The following LAMA3 variants were observed in gnomAD, a reference collection of about 807,000 sequenced individuals.
The protein encoded by LAMA3 is laminin subunit alpha 3.
In LAMA3, 281 loss-of-function variants were observed where a neutral mutation model predicts 402.0. The ratio of observed to expected loss-of-function variants is 0.70; its 90% CI spans 0.63 to 0.77. The LOEUF (loss-of-function observed/expected upper bound fraction) is 0.77. LAMA3 is among the 30% of genes least tolerant of loss of function. The pLI, the probability that LAMA3 is intolerant of heterozygous loss-of-function variation, is 0.00. For synonymous variants in LAMA3, 1,431 were observed against 1,558.4 expected, an observed-to-expected ratio of 0.92 and a Z score of 1.93; for missense variants, 3,840 against 4,215.5, an observed-to-expected ratio of 0.91 and a Z score of 2.47.
intron 67 of LAMA3, among the ~76,000 whole-genome samples, chr18:23,934,661 G>A (rs2082260741): frequency 6.6e-6 from 1 of 152,198 alleles, no homozygotes; most frequent in Non-Finnish European, 1.5e-5. Context: ...GATCTGCCAG[G>A]CACTGCACTA....
intron 32 of LAMA3, among the ~76,000 whole-genome samples, chr18:23,848,886 TGG>T (rs10552903): frequency 0.62 from 94,409 of 151,982 alleles, 29,837 homozygotes; most frequent in African/African-American, 0.66. Flanking sequence ...CAGGTATTCC[TGG>T]GGGAGTCCCT....
intron 12 of LAMA3, among the ~76,000 whole-genome samples, chr18:23,793,529 G>C (rs772088080): frequency 4.0e-5 from 6 of 151,820 alleles, no homozygotes; most frequent in Non-Finnish European, 7.4e-5. Context: ...CTCAGCAGAC[G>C]ACCACCAAGA....
intron 12 of LAMA3, among the ~76,000 whole-genome samples, chr18:23,808,207 G>A (rs1254363141): frequency 6.6e-6 from 1 of 151,982 alleles, no homozygotes; most frequent in Admixed American, 6.6e-5. Context: ...GCACCAAAAG[G>A]CAAGGATACT....
At chr18:23,811,312 G>T (rs1181484513) in intron 13 of LAMA3, among the ~76,000 whole-genome samples, 3 of 152,254 alleles carry the variant, frequency 2.0e-5, no homozygotes, top group Admixed American at 6.5e-5. Flanking sequence ...TTTGTGGAAG[G>T]CTGACCCAGA....
At chr18:23,795,480 C>T (rs2062744325) in intron 12 of LAMA3, among the ~76,000 whole-genome samples, 1 of 152,122 alleles carries the variant, frequency 6.6e-6, no homozygotes, top group Admixed American at 6.5e-5. Context: ...GTATAAAATA[C>T]ATTTGAGTAA....
intron 64 of LAMA3, among the ~76,000 whole-genome samples, chr18:23,930,185 G>C (rs895913252): frequency 1.3e-5 from 2 of 152,114 alleles, no homozygotes; most frequent in East Asian, 3.9e-4. Context: ...AAATTGAAAT[G>C]ACAAGTGCTG....
Position 23,950,178 on chromosome 18 carries a change from C to A in LAMA3, c.9642+19C>A. 6.2e-7 allele frequency: 1 copy of A among 1,613,672 alleles called. No individual in the cohort carries two copies. The highest frequency in any genetic ancestry group is 8.5e-7 in the Non-Finnish European group (1 of 1,179,946). On this transcript the variant is annotated intron_variant, in intron 72 of 74. Coordinates refer to ENST00000313654, the MANE Select transcript of LAMA3 (RefSeq NM_198129.4). The stretch of plus-strand genomic sequence containing the variant: ...AGGAAAGGTGTGTAGCAGTCTGATG[C>A]CATGGGGAGGGTCTGTAGAAACCAG...
intron 68 of LAMA3, 91 bp downstream of exon 68, chr18:23,939,477 G>A: frequency 1.5e-6 from 2 of 1,341,912 alleles, no homozygotes; most frequent in South Asian, 1.2e-5. Flanking sequence ...ACACCATGCA[G>A]CTCTCTCTAA....
chr18:23,847,539 A>C lies in LAMA3; in HGVS notation c.4007A>C (p.Gln1336Pro). 1 of 1,614,086 alleles carries C rather than the reference A, an allele frequency of 6.2e-7. No individual in the cohort carries two copies. The highest frequency in any genetic ancestry group is 1.6e-4 in the Middle Eastern group (1 of 6,062). ...TGCCCTCCCCGCACGGTCAGGCCCCAGTGTGAGGTGTGTGAGACACACTCA... is the reference window on the plus strand; with the variant it reads ...TGCCCTCCCCGCACGGTCAGGCCCCCGTGTGAGGTGTGTGAGACACACTCA... Reference protein sequence around the residue: ...CRCPPRTVRPQCEVCETHSFS... With the variant: ...CRCPPRTVRPPCEVCETHSFS... The change falls in exon 32 of 75, where the codon CAG becomes CCG. Residue 1336 changes from glutamine (Q) to proline (P), a missense_variant. This residue lies in a region of LAMA3 where 2,109 missense variants were observed against 2,376.0 expected (regional missense o/e 0.89). Coordinates refer to ENST00000313654, the MANE Select transcript of LAMA3 (RefSeq NM_198129.4).
intron 2 of LAMA3, among the ~76,000 whole-genome samples, chr18:23,723,609 C>T (rs1253567723): frequency 6.6e-6 from 1 of 152,050 alleles, no homozygotes; most frequent in Non-Finnish European, 1.5e-5. Flanking sequence ...TTACTTTCTT[C>T]TGTAAATCTC....
intron 13 of LAMA3, among the ~76,000 whole-genome samples, chr18:23,812,593 AAGTC>A (rs1252042387): frequency 1.1e-4 from 16 of 152,254 alleles, no homozygotes; most frequent in Admixed American, 1.0e-3. Context: ...GTGTTATACT[AAGTC>A]AGGAAAACAA....
intron 2 of LAMA3, among the ~76,000 whole-genome samples, chr18:23,740,653 C>G (rs1405256495): frequency 6.6e-6 from 1 of 152,108 alleles, no homozygotes; most frequent in Non-Finnish European, 1.5e-5. Flanking sequence ...CATTTAAATT[C>G]TGGGCAGGCT....
At chr18:23,804,877 A>G (rs553543543) in intron 12 of LAMA3, among the ~76,000 whole-genome samples, 1 of 152,222 alleles carries the variant, frequency 6.6e-6, no homozygotes, top group African/African-American at 2.4e-5. Context: ...TATGTGATGT[A>G]CTGGCTCCCC....
intron 68 of LAMA3, among the ~76,000 whole-genome samples, chr18:23,942,386 C>T (rs967984012): frequency 6.6e-6 from 1 of 152,186 alleles, no homozygotes; most frequent in East Asian, 1.9e-4. Flanking sequence ...ATAAACCACT[C>T]AAGGAAGGAA....
chr18:23,758,636 T>A (rs1466240724), intron 7 of LAMA3, 125 bp downstream of exon 7: 1 of 681,942 alleles, frequency 1.5e-6, no homozygotes, highest in Admixed American at 2.4e-5. Context: ...CTCAAGTCTG[T>A]CTATTGTAAT....
At chr18:23,711,399 C>G (rs187941163) in intron 1 of LAMA3, among the ~76,000 whole-genome samples, 2 of 152,260 alleles carry the variant, frequency 1.3e-5, no homozygotes, top group Non-Finnish European at 2.9e-5. Flanking sequence ...GTGTTCTTAC[C>G]TAGTCTGCTG....
At chr18:23,754,516 G>C (rs1331355865) in intron 6 of LAMA3, among the ~76,000 whole-genome samples, 1 of 152,086 alleles carries the variant, frequency 6.6e-6, no homozygotes, top group African/African-American at 2.4e-5. Context: ...TTTTCTTTTT[G>C]TTCAAAGCTG....
chr18:23,807,171 G>A (rs1158991277), intron 12 of LAMA3, among the ~76,000 whole-genome samples: 1 of 152,072 alleles, frequency 6.6e-6, no homozygotes, highest in East Asian at 1.9e-4. Flanking sequence ...CCAATTCAGA[G>A]AATTTATTCT....
At chr18:23,838,677 A>T (rs953282296) in intron 25 of LAMA3, 104 bp from the exon 26 acceptor site, 7 of 723,848 alleles carry the variant, frequency 9.7e-6, no homozygotes, top group African/African-American at 1.7e-5. Context: ...ATTATTATGG[A>T]TAAATCCTTT....
Sources: allele counts gnomAD v4.1 joint callset (sites outside exome capture counted in the v4.1 genomes callset), GRCh38; gene constraint gnomAD v4.1.1; regional missense constraint gnomAD v4.1.1; transcripts MANE v1.5; gene names NCBI Gene and HGNC (gene_info 2026-07-23, HGNC 2026-07-21).